Variants in KCNMB2 observed in about 807,000 individuals in gnomAD.
KCNMB2 encodes the protein calcium-activated potassium channel subunit beta-2.
KCNMB2 carries 9 observed loss-of-function variants against 24.5 expected under a neutral mutation model. The observed-to-expected ratio is 0.37, with a 90% CI of 0.22 to 0.64. The LOEUF (loss-of-function observed/expected upper bound fraction) is 0.64. KCNMB2 is among the 30% of genes least tolerant of loss of function. The pLI, the probability that KCNMB2 is intolerant of heterozygous loss-of-function variation, is 0.63. For missense variants in KCNMB2, 226 were observed against 284.3 expected, an observed-to-expected ratio of 0.79 and a Z score of 1.47; for synonymous variants, 109 against 104.4, an observed-to-expected ratio of 1.04 and a Z score of -0.27.
In KCNMB2 at chr3:178,650,677, C is replaced by T. The variant is rs145285409; in HGVS notation, c.-68+113966C>T. ...AATCCTCAATAAAATACTGGCAAAC[C>T]GAATCCAGCAGCACATCAAAAAGAA... On this transcript the variant is annotated intron_variant, in intron 1 of 4. Transcript: ENST00000452583. 1.4e-3 allele frequency among the ~76,000 whole-genome samples: 213 copies of T among 152,142 alleles called. 3 individuals are homozygous for T. In the East Asian group the frequency reaches 0.032, roughly 23 times the overall value.
intron 1 of KCNMB2, among the ~76,000 whole-genome samples, chr3:178,798,172 T>C (rs2108445648): frequency 6.6e-6 from 1 of 152,270 alleles, no homozygotes; most frequent in South Asian, 2.1e-4. Context: ...CCATACTATG[T>C]TGAATAGGAG....
At chr3:178,640,669 CA>C (rs1399329050) in intron 1 of KCNMB2, among the ~76,000 whole-genome samples, 1 of 152,076 alleles carries the variant, frequency 6.6e-6, no homozygotes. Context: ...AATTAATTCC[CA>C]ACTCATGAAG....
chr3:178,621,833 AT>A (rs1163766659), intron 1 of KCNMB2, among the ~76,000 whole-genome samples: 2 of 152,174 alleles, frequency 1.3e-5, no homozygotes, highest in African/African-American at 4.8e-5. Flanking sequence ...TAACTATGGA[AT>A]TTGGAAGTGA....
intron 1 of KCNMB2, among the ~76,000 whole-genome samples, chr3:178,703,516 C>T (rs78796067): frequency 6.6e-6 from 1 of 151,866 alleles, no homozygotes; most frequent in South Asian, 2.1e-4. Context: ...CCCACCCCCC[C>T]AAAAAAAGTA....
In KCNMB2 at chr3:178,774,271, A is replaced by G. The variant is rs146228727; in HGVS notation, c.-67-33072A>G. Among the ~76,000 whole-genome samples, 366 of 152,290 alleles carry G rather than the reference A, an allele frequency of 2.4e-3. 2 individuals are homozygous for G. Among genetic ancestry groups the G allele is most frequent in the African/African-American group, 8.4e-3 (351 of 41,564 alleles). ...CCTACCAGTTACAGTCCTACCTTTCATGTCTACACCTTTCTTTGGACTGAG... is the reference window on the plus strand; with the variant it reads ...CCTACCAGTTACAGTCCTACCTTTCGTGTCTACACCTTTCTTTGGACTGAG... On this transcript the variant is annotated intron_variant, in intron 1 of 4. Coordinates refer to ENST00000452583, the MANE Select transcript of KCNMB2 (RefSeq NM_181361.3).
rs73049703 is a variant in KCNMB2 at position 178,723,411 on chromosome 3, T to C, written c.-67-83932T>C. On this transcript the variant is annotated intron_variant, in intron 1 of 4. Coordinates refer to ENST00000452583, the MANE Select transcript of KCNMB2 (RefSeq NM_181361.3). ...TCAGCATTTTGTAGTTTTCAGCAAA[T>C]AAAATAGGCAGATGCTCTTTAGAAG... is the stretch of plus-strand genomic sequence containing the variant. Among the ~76,000 whole-genome samples the C allele has an allele frequency of 3.6e-3, 547 of 152,320 alleles. 4 individuals are homozygous for C. Among genetic ancestry groups the C allele is most frequent in the African/African-American group, 0.013 (521 of 41,582 alleles).
intron 1 of KCNMB2, among the ~76,000 whole-genome samples, chr3:178,595,827 G>A (rs7646141): frequency 0.11 from 17,434 of 152,130 alleles, 1,168 homozygotes; most frequent in Middle Eastern, 0.24. Context: ...AATGAATGGC[G>A]CAGGATGACA....
intron 1 of KCNMB2, among the ~76,000 whole-genome samples, chr3:178,699,063 C>G (rs76784479): frequency 1.3e-5 from 2 of 152,220 alleles, no homozygotes; most frequent in Non-Finnish European, 2.9e-5. Context: ...GGGCATCCAC[C>G]ACAGTGGTGG....
intron 1 of KCNMB2, among the ~76,000 whole-genome samples, chr3:178,642,078 A>T (rs1719749982): frequency 6.6e-6 from 1 of 152,202 alleles, no homozygotes; most frequent in African/African-American, 2.4e-5. Context: ...AATAATATAC[A>T]GCAGTTTATT....
chr3:178,586,523 C>CTTTTTTTT (rs1160913551), intron 1 of KCNMB2, among the ~76,000 whole-genome samples: 1 of 61,820 alleles, frequency 1.6e-5, no homozygotes, highest in Non-Finnish European at 3.7e-5. Context: ...ATTTTCTTTT[C>CTTTTTTTT]TTTTTTTTTT....
At chr3:178,676,345 G>A (rs1721070159) in intron 1 of KCNMB2, among the ~76,000 whole-genome samples, 2 of 152,172 alleles carry the variant, frequency 1.3e-5, no homozygotes, top group South Asian at 4.1e-4. Context: ...CAGACAGAGA[G>A]GTGAACTGAC....
intron 1 of KCNMB2, among the ~76,000 whole-genome samples, chr3:178,742,437 TA>T (rs1406894512): frequency 6.6e-6 from 1 of 152,226 alleles, no homozygotes; most frequent in Non-Finnish European, 1.5e-5. Context: ...CCTCAAATTT[TA>T]TTTCCATTTG....
At chr3:178,779,550 C>A (rs953059927) in intron 1 of KCNMB2, among the ~76,000 whole-genome samples, 1 of 152,086 alleles carries the variant, frequency 6.6e-6, no homozygotes, top group Non-Finnish European at 1.5e-5. Context: ...TTTATAGATT[C>A]TTTCTCCATT....
At position 178,781,502 on chromosome 3, in the gene KCNMB2, G is replaced by T. The variant is rs138564144; in HGVS notation, c.-67-25841G>T. ...AGCTACTCGGGAGGCTGAGGCAGGAGAATTGCTTGAGCCAAGGAGACAGAG... is the reference window on the plus strand; with the variant it reads ...AGCTACTCGGGAGGCTGAGGCAGGATAATTGCTTGAGCCAAGGAGACAGAG... On this transcript the variant is annotated intron_variant, in intron 1 of 4. Transcript: ENST00000452583. Among the ~76,000 whole-genome samples, 142 of 152,200 alleles carry T rather than the reference G, an allele frequency of 9.3e-4. 1 individual carries two copies. Among genetic ancestry groups the T allele is most frequent in the African/African-American group, 3.1e-3 (130 of 41,540 alleles).
chr3:178,628,899 C>T (rs752659449), intron 1 of KCNMB2, among the ~76,000 whole-genome samples: 1 of 152,142 alleles, frequency 6.6e-6, no homozygotes, highest in Admixed American at 6.5e-5. Context: ...TTTTAAATTG[C>T]TCATGTCCCA....
intron 1 of KCNMB2, among the ~76,000 whole-genome samples, chr3:178,625,174 G>A (rs535755067): frequency 1.3e-5 from 2 of 152,164 alleles, no homozygotes; most frequent in South Asian, 4.1e-4. Context: ...GAGCCAGGGG[G>A]CACCTCTTGG....
In KCNMB2 at chr3:178,813,980, TTGTTGCTGC is replaced by T. The variant is rs1440071858; in HGVS notation, c.56+6518_56+6526del. Among the ~76,000 whole-genome samples, 504 of 127,956 alleles carry T rather than the reference TTGTTGCTGC, an allele frequency of 3.9e-3. 8 individuals are homozygous for T. Among genetic ancestry groups the T allele is most frequent in the African/African-American group, 0.011 (409 of 35,942 alleles). 83.9% of individuals were successfully genotyped at this position (127,956 alleles called of 152,430 possible). ...GTTGTTGTTGTTGTTGTTGTTGTTG[TTGTTGCTGC>T]TGCTGCTGTTGTTTTTCTAATCGTA... On this transcript the variant is annotated intron_variant, in intron 2 of 4. Coordinates refer to ENST00000452583, the MANE Select transcript of KCNMB2 (RefSeq NM_181361.3).
At chr3:178,835,660 G>T (rs1179363088) in intron 4 of KCNMB2, among the ~76,000 whole-genome samples, 2 of 152,052 alleles carry the variant, frequency 1.3e-5, no homozygotes, top group African/African-American at 4.8e-5. Flanking sequence ...CATTGACTTT[G>T]GAACTAATAA....
chr3:178,686,047 A>C (rs12631881), intron 1 of KCNMB2, among the ~76,000 whole-genome samples: 1 of 149,280 alleles, frequency 6.7e-6, no homozygotes, highest in Admixed American at 6.7e-5. Context: ...TGTGTGTGTG[A>C]GAGAGAGAGA....
Sources: gnomAD v4.1 joint callset for allele counts (sites outside exome capture counted in the v4.1 genomes callset) on GRCh38, gnomAD v4.1.1 for gene constraint, MANE v1.5 for transcripts, NCBI Gene and HGNC (gene_info 2026-07-23, HGNC 2026-07-21) for gene names.